The following DDX50 variants were observed in gnomAD, a reference collection of about 807,000 sequenced individuals.
DDX50 encodes the protein DExD-box helicase 50.
In DDX50, 56 loss-of-function variants were observed where a neutral mutation model predicts 94.8. That is an observed-to-expected ratio of 0.59 (90% CI 0.48 to 0.74). DDX50 has a LOEUF of 0.74. DDX50 is among the 30% of genes least tolerant of loss of function. DDX50 has a pLI of 0.00. For synonymous variants in DDX50, 264 were observed against 295.4 expected (o/e 0.89, Z 1.09); for missense variants, 713 against 881.2 (o/e 0.81, Z 2.42).
At chr10:68,909,460 A>C (rs1432676110) in intron 2 of DDX50, among the ~76,000 whole-genome samples, 1 of 152,248 alleles carries the variant, frequency 6.6e-6, no homozygotes, top group Non-Finnish European at 1.5e-5. Flanking sequence ...GCTGTAGAAT[A>C]AATTTTTAAC....
At chr10:68,931,976 T>C (rs1312811499) in intron 8 of DDX50, among the ~76,000 whole-genome samples, 1 of 152,156 alleles carries the variant, frequency 6.6e-6, no homozygotes, top group Non-Finnish European at 1.5e-5. Flanking sequence ...AGTAGTTCCT[T>C]ATGATGTTAG....
chr10:68,941,219 A>G, intron 13 of DDX50, 25 bp downstream of exon 13: 1 of 1,603,738 alleles, frequency 6.2e-7, no homozygotes, highest in Admixed American at 1.8e-5. Context: ...ACAATTAAAA[A>G]GCTTTTTAAT....
At chr10:68,933,708 C>T (rs978354042) in intron 8 of DDX50, among the ~76,000 whole-genome samples, 2 of 151,546 alleles carry the variant, frequency 1.3e-5, no homozygotes, top group South Asian at 2.1e-4. Context: ...CAGAGGCTGG[C>T]GGATCACCTG....
chr10:68,909,824 G>A (rs1016018317), intron 2 of DDX50, among the ~76,000 whole-genome samples: 5 of 152,052 alleles, frequency 3.3e-5, no homozygotes, highest in Admixed American at 2.0e-4. Flanking sequence ...CACCATGCCT[G>A]GCTAATTTTG....
Position 68,920,246 on chromosome 10 carries a change from T to TGACTTCCTGGGCTCAGGTGATTCTC in DDX50, c.1239+266_1239+290dup, listed in dbSNP as rs572288151. On this transcript the variant is annotated intron_variant, in intron 8 of 14. Transcript: ENST00000373585. The stretch of plus-strand genomic sequence containing the variant: ...GGACAATCATGGCTCACTGCATTCT[T>TGACTTCCTGGGCTCAGGTGATTCTC]GACTTCCTGGGCTCAGGTGATTCTC... 2.5e-3 allele frequency among the ~76,000 whole-genome samples: 384 copies of TGACTTCCTGGGCTCAGGTGATTCTC among 152,270 alleles called. 1 individual carries two copies. Among genetic ancestry groups the TGACTTCCTGGGCTCAGGTGATTCTC allele is most frequent in the African/African-American group, 8.4e-3 (347 of 41,556 alleles).
intron 11 of DDX50, 130 bp from the exon 12 acceptor site, chr10:68,936,806 G>A (rs117058070): frequency 0.067 from 57,683 of 864,006 alleles, 2,273 homozygotes; most frequent in Middle Eastern, 0.11. Context: ...GTGCCAGTGC[G>A]CTCCAGACTG....
rs1350131455 is a variant in DDX50 at position 68,941,172 on chromosome 10, T to C, written c.1868T>C (p.Met623Thr). 1 of 1,613,022 alleles carries C rather than the reference T, an allele frequency of 6.2e-7. No individual in the cohort carries two copies. ...SSNAVSQITR[M>T]CLLKGNMGVC... Reference sequence around the variant, plus strand: ...AATGCAGTGTCTCAGATTACCAGAATGTGCCTCCTGAAAGGAAATATGGTA... The same window carrying C: ...AATGCAGTGTCTCAGATTACCAGAACGTGCCTCCTGAAAGGAAATATGGTA... Residue 623 changes from methionine (M) to threonine (T), a missense_variant, in exon 13 of 15, where the codon ATG becomes ACG. Met to Thr is a moderately conservative substitution (Grantham distance 81). Coordinates refer to ENST00000373585, the MANE Select transcript of DDX50 (RefSeq NM_024045.2).
chr10:68,912,826 A>G (rs569493994), intron 4 of DDX50, among the ~76,000 whole-genome samples: 121 of 152,318 alleles, frequency 7.9e-4, no homozygotes, highest in Middle Eastern at 3.4e-3. Flanking sequence ...TCCTGCCTTC[A>G]TGGAGCTTAC....
At chr10:68,910,256 T>A in intron 2 of DDX50, 51 bp from the exon 3 acceptor site, 1 of 1,398,294 alleles carries the variant, frequency 7.2e-7, no homozygotes, top group Non-Finnish European at 9.9e-7. Context: ...AAACAGTAAA[T>A]GAGGAAGAGT....
At chr10:68,944,147 A>C (rs1040028856) in intron 14 of DDX50, among the ~76,000 whole-genome samples, 4 of 152,210 alleles carry the variant, frequency 2.6e-5, no homozygotes, top group African/African-American at 9.6e-5. Context: ...AAACTCCCCC[A>C]AAATAATTCC....
rs957181652 is a variant in DDX50 at position 68,927,444 on chromosome 10, C to T, written c.1240-6755C>T. Among the ~76,000 whole-genome samples the T allele has an allele frequency of 2.6e-5, 4 of 152,034 alleles. No homozygotes were observed. In the South Asian group the frequency reaches 8.3e-4, roughly 32 times the overall value. On this transcript the variant is annotated intron_variant, in intron 8 of 14. Coordinates refer to ENST00000373585, the MANE Select transcript of DDX50 (RefSeq NM_024045.2). ...ATTGGTATTCCTTACAGATCTGATT[C>T]TTACTCTACATATTTTTCATGGAGG...
At chr10:68,903,998 G>A (rs1021707489) in intron 1 of DDX50, among the ~76,000 whole-genome samples, 2 of 148,806 alleles carry the variant, frequency 1.3e-5, no homozygotes, top group South Asian at 2.1e-4. Flanking sequence ...AAAAAAATTA[G>A]CTGGGCGTGG....
Position 68,946,353 on chromosome 10 carries a change from C to A in DDX50, c.1937C>A (p.Ala646Glu), listed in dbSNP as rs757516180. Residue 646 changes from alanine (A) to glutamate (E), a missense_variant and splice_region_variant, in exon 15 of 15, where the codon GCA becomes GAA. This residue lies in a region of DDX50 where 428 missense variants were observed against 602.3 expected (regional missense o/e 0.71). Coordinates refer to ENST00000373585, the MANE Select transcript of DDX50 (RefSeq NM_024045.2). ...VPTTESERLQ[A>E]EWHDSDWILS... ...TAATCCTGTAAATTCCCCTAACAGG[C>A]AGAGTGGCATGATTCCGACTGGATA... 4.4e-6 allele frequency: 7 copies of A among 1,605,276 alleles called. No individual in the cohort carries two copies. In the Admixed American group the frequency reaches 1.0e-4, roughly 23 times the overall value.
intron 8 of DDX50, among the ~76,000 whole-genome samples, chr10:68,927,979 C>T (rs1842134609): frequency 6.6e-6 from 1 of 151,980 alleles, no homozygotes; most frequent in Non-Finnish European, 1.5e-5. Flanking sequence ...TATGATTTTG[C>T]CATTGCAATG....
In DDX50 at chr10:68,901,548, A is replaced by C. The variant is rs902449511; in HGVS notation, c.87+77A>C. On this transcript the variant is annotated intron_variant, in intron 1 of 14. Coordinates refer to ENST00000373585, the MANE Select transcript of DDX50 (RefSeq NM_024045.2). ...GGAGGGGAACTGTCTGTCCCTGATG[A>C]TGGCCTGTCAGAACCGGGCCGGAGC... is the stretch of plus-strand genomic sequence containing the variant. 6.3e-6 allele frequency: 9 copies of C among 1,439,616 alleles called. No individual in the cohort carries two copies. The African/African-American group carries it at 1.3e-4, about 21-fold the overall frequency. 89.2% of individuals were successfully genotyped at this position (1,439,616 alleles called of 1,614,324 possible).
At position 68,906,825 on chromosome 10, in the gene DDX50, G is replaced by C. The variant is rs1234671227; in HGVS notation, c.202G>C (p.Glu68Gln). ...CAAGGCCAAAAAATCTAAAATGAAA[G>C]AGAAGCTAAATGGAGACACTGAAGA... ...APKAKKSKMK[E>Q]KLNGDTEEGF... Residue 68 changes from glutamate to glutamine, a missense_variant, in exon 2 of 15, where the codon GAG becomes CAG. Around this residue, in one of 2 missense-constraint regions of DDX50, gnomAD observed 285 missense variants for 278.9 expected, o/e 1.02. Transcript: ENST00000373585. 1.9e-6 allele frequency: 3 copies of C among 1,613,592 alleles called. No homozygotes were observed. In the African/African-American group the frequency reaches 4.0e-5, roughly 22 times the overall value.
chr10:68,940,595 T>A (rs921416694), intron 12 of DDX50, among the ~76,000 whole-genome samples: 8 of 151,588 alleles, frequency 5.3e-5, no homozygotes, highest in East Asian at 2.0e-4. Context: ...TATTATTATT[T>A]TTGTAGCAAT....
intron 8 of DDX50, among the ~76,000 whole-genome samples, chr10:68,925,094 G>GTTTTTTTTTTTTTTT (rs752888119): frequency 1.1e-5 from 1 of 89,036 alleles, no homozygotes; most frequent in Admixed American, 1.5e-4. Flanking sequence ...CCCTGCTCAT[G>GTTTTTTTTTTTTTTT]GTTTTTTTTT....
At chr10:68,910,425 C>T in intron 3 of DDX50, 43 bp downstream of exon 3, 1 of 1,523,766 alleles carries the variant, frequency 6.6e-7, no homozygotes, top group South Asian at 1.2e-5. Flanking sequence ...TGTTTTGAGA[C>T]AGAGCCTCGC....
Sources: allele counts gnomAD v4.1 joint callset (sites outside exome capture counted in the v4.1 genomes callset), GRCh38; gene constraint gnomAD v4.1.1; regional missense constraint gnomAD v4.1.1; transcripts MANE v1.5; gene names NCBI Gene and HGNC (gene_info 2026-07-23, HGNC 2026-07-21).